The following NRG3 variants were observed in gnomAD, a reference collection of about 807,000 sequenced individuals.
The protein encoded by NRG3 is pro-neuregulin-3, membrane-bound isoform.
NRG3 carries 31 observed loss-of-function variants against 66.9 expected under a neutral mutation model. The observed-to-expected ratio is 0.46, with a 90% CI of 0.35 to 0.63. NRG3 has a LOEUF of 0.63. NRG3 is among the 20% of genes least tolerant of loss of function. The pLI is 0.00. For synonymous variants in NRG3, 393 were observed against 359.4 expected (o/e 1.09, Z -1.06); for missense variants, 910 against 878.9 (o/e 1.04, Z -0.45).
intron 3 of NRG3, among the ~76,000 whole-genome samples, chr10:82,801,387 TG>T (rs1306914570): frequency 6.6e-6 from 1 of 152,142 alleles, no homozygotes; most frequent in East Asian, 1.9e-4. Context: ...GGCAAGATAG[TG>T]TTAGAAAAAC....
At chr10:82,659,258 C>G (rs2052119117) in intron 2 of NRG3, among the ~76,000 whole-genome samples, 1 of 152,200 alleles carries the variant, frequency 6.6e-6, no homozygotes, top group African/African-American at 2.4e-5. Context: ...AGAAAATCAT[C>G]AAAAGCCTGG....
intron 2 of NRG3, among the ~76,000 whole-genome samples, chr10:82,660,732 G>A (rs2052291098): frequency 6.6e-6 from 1 of 152,064 alleles, no homozygotes; most frequent in Admixed American, 6.5e-5. Context: ...TGAGTTTCAT[G>A]TAGAGTGCTC....
chr10:81,995,152 A>G (rs1422202586), intron 1 of NRG3, among the ~76,000 whole-genome samples: 1 of 152,050 alleles, frequency 6.6e-6, no homozygotes, highest in African/African-American at 2.4e-5. Flanking sequence ...TTTTGATTTA[A>G]CCCTTGGTGT....
intron 1 of NRG3, among the ~76,000 whole-genome samples, chr10:81,923,170 T>G (rs1462168433): frequency 2.0e-5 from 3 of 151,298 alleles, no homozygotes; most frequent in Admixed American, 2.0e-4. Flanking sequence ...GATTAGAATT[T>G]CACTTTAAAA....
intron 2 of NRG3, among the ~76,000 whole-genome samples, chr10:82,689,276 T>A (rs750686294): frequency 1.3e-5 from 2 of 152,166 alleles, no homozygotes; most frequent in Non-Finnish European, 2.9e-5. Flanking sequence ...ATACAGTGAA[T>A]GCTGATGTAC....
At chr10:82,837,931 C>T (rs1160432741) in intron 3 of NRG3, among the ~76,000 whole-genome samples, 1 of 152,076 alleles carries the variant, frequency 6.6e-6, no homozygotes, top group Admixed American at 6.6e-5. Flanking sequence ...CCTGCATGTA[C>T]GCATTCTCAG....
chr10:82,408,833 A>T (rs913428775), intron 2 of NRG3, among the ~76,000 whole-genome samples: 3 of 151,970 alleles, frequency 2.0e-5, no homozygotes, highest in Non-Finnish European at 4.4e-5. Flanking sequence ...GGAATACATT[A>T]TTTATTGCTG....
At chr10:82,076,908 C>T (rs972748034) in intron 1 of NRG3, among the ~76,000 whole-genome samples, 3 of 152,178 alleles carry the variant, frequency 2.0e-5, no homozygotes, top group African/African-American at 7.2e-5. Context: ...ATTGAGTTGC[C>T]TCCAGGATGA....
chr10:82,366,115 TG>T (rs2084503954), intron 2 of NRG3, among the ~76,000 whole-genome samples: 2 of 152,218 alleles, frequency 1.3e-5, no homozygotes, highest in African/African-American at 4.8e-5. Context: ...TCTGATTTTT[TG>T]CAAGTCATTT....
chr10:82,763,554 C>A (rs2135094932), intron 3 of NRG3, among the ~76,000 whole-genome samples: 1 of 151,868 alleles, frequency 6.6e-6, no homozygotes. Flanking sequence ...AAATTAATAA[C>A]AAATAATCAA....
intron 1 of NRG3, among the ~76,000 whole-genome samples, chr10:82,287,508 A>G (rs2079488376): frequency 6.6e-6 from 1 of 151,366 alleles, no homozygotes; most frequent in Admixed American, 6.6e-5. Flanking sequence ...GTGAGCATGA[A>G]CAAGCAGGGA....
Position 82,985,273 on chromosome 10 carries a change from C to G in NRG3, c.1759C>G (p.Leu587Val). The G allele has an allele frequency of 6.2e-7, 1 of 1,614,174 alleles. No individual in the cohort carries two copies. The highest frequency in any genetic ancestry group is 8.5e-7 in the Non-Finnish European group (1 of 1,180,014). Residue 587 changes from leucine (L) to valine (V), a missense_variant, in exon 9 of 9, where the codon CTG becomes GTG. Physicochemically the swap from Leu to Val is conservative, Grantham distance 32. Transcript: ENST00000372141. ...TTCAGTGGGTTTAGAGGAAACCTGC[C>G]TGCAAATGCCAGGGATTTCTGAAGT... ...IPSVGLEETC[L>V]QMPGISEVKS...
intron 2 of NRG3, among the ~76,000 whole-genome samples, chr10:82,522,344 C>A (rs1209473015): frequency 1.3e-5 from 2 of 152,076 alleles, no homozygotes. Context: ...TGCGCCTGGC[C>A]TCCACTGAAG....
intron 2 of NRG3, among the ~76,000 whole-genome samples, chr10:82,493,550 T>C (rs1389632455): frequency 1.3e-5 from 2 of 152,174 alleles, no homozygotes; most frequent in Non-Finnish European, 2.9e-5. Flanking sequence ...TTTGGGTTAA[T>C]TCTGTGTCTT....
intron 3 of NRG3, among the ~76,000 whole-genome samples, chr10:82,822,938 A>T (rs1454729669): frequency 6.6e-6 from 1 of 152,184 alleles, no homozygotes; most frequent in Non-Finnish European, 1.5e-5. Context: ...TCAAGTATAT[A>T]GCGGGGCTAA....
At chr10:82,013,574 GA>G (rs1271936852) in intron 1 of NRG3, among the ~76,000 whole-genome samples, 11 of 151,920 alleles carry the variant, frequency 7.2e-5, no homozygotes, top group Non-Finnish European at 1.6e-4. Flanking sequence ...ATTCATGTCA[GA>G]AAAAAATATT....
At chr10:82,034,958 T>G (rs115035608) in intron 1 of NRG3, among the ~76,000 whole-genome samples, 1,956 of 152,248 alleles carry the variant, frequency 0.013, 40 homozygotes, top group African/African-American at 0.044. Flanking sequence ...TTTTGACCTG[T>G]GTTCTCTAGA....
At chr10:82,415,694 A>G (rs1186470007) in intron 2 of NRG3, among the ~76,000 whole-genome samples, 1 of 152,152 alleles carries the variant, frequency 6.6e-6, no homozygotes, top group Non-Finnish European at 1.5e-5. Context: ...TCCAGAGAAT[A>G]CTTGTTTTCG....
chr10:82,907,976 C>T (rs1844918567), intron 4 of NRG3, among the ~76,000 whole-genome samples: 1 of 152,202 alleles, frequency 6.6e-6, no homozygotes, highest in African/African-American at 2.4e-5. Context: ...GTGGGATAAA[C>T]CATCATTCCT....
Sources: allele counts gnomAD v4.1 joint callset (sites outside exome capture counted in the v4.1 genomes callset), GRCh38; gene constraint gnomAD v4.1.1; transcripts MANE v1.5; gene names NCBI Gene and HGNC (gene_info 2026-07-23, HGNC 2026-07-21).